Variants in STON2 observed in about 807,000 individuals in gnomAD.
STON2 encodes stonin-2.
A neutral mutation model predicts 65.7 loss-of-function variants in STON2; 29 were observed. That is an observed-to-expected ratio of 0.44 (90% CI 0.33 to 0.60). The LOEUF (loss-of-function observed/expected upper bound fraction) is 0.60. STON2 is among the 20% of genes least tolerant of loss of function. The pLI, the probability that STON2 is intolerant of heterozygous loss-of-function variation, is 0.03. For synonymous variants in STON2, 404 were observed against 414.2 expected, an observed-to-expected ratio of 0.98 and a Z score of 0.30; for missense variants, 1,054 against 1,118.1, an observed-to-expected ratio of 0.94 and a Z score of 0.82.
chr14:81,284,671 C>G (rs1895264058), intron 5 of STON2, among the ~76,000 whole-genome samples: 1 of 152,048 alleles, frequency 6.6e-6, no homozygotes, highest in African/African-American at 2.4e-5. Context: ...CTACACTAAG[C>G]AACAGATTTT....
rs186491174 is a variant in STON2, at chr14:81,282,523, T to G, written c.743-3784A>C. Among the ~76,000 whole-genome samples, 226 of 152,326 alleles carry G rather than the reference T, an allele frequency of 1.5e-3. 1 individual carries two copies. Among genetic ancestry groups the G allele is most frequent in the African/African-American group, 5.3e-3 (221 of 41,570 alleles). ...TTAGTACTACTGCTACTACTACTAC[T>G]ACTACTAGAATGATAATGTGTCATT... On this transcript the variant is annotated intron_variant, in intron 5 of 7. Transcript: ENST00000614646.
At chr14:81,352,937 T>C (rs1898080506) in intron 4 of STON2, among the ~76,000 whole-genome samples, 1 of 152,178 alleles carries the variant, frequency 6.6e-6, no homozygotes, top group South Asian at 2.1e-4. Flanking sequence ...CACAAGAATA[T>C]ATTTCAATAT....
chr14:81,321,566 G>A (rs1402697977), intron 5 of STON2, among the ~76,000 whole-genome samples: 3 of 152,078 alleles, frequency 2.0e-5, no homozygotes, highest in African/African-American at 7.2e-5. Flanking sequence ...TTTTCAATCA[G>A]CTTGGTAGGA....
intron 4 of STON2, among the ~76,000 whole-genome samples, chr14:81,324,802 G>A (rs1328972723): frequency 6.6e-6 from 1 of 152,214 alleles, no homozygotes; most frequent in Non-Finnish European, 1.5e-5. Context: ...GATTAATCCT[G>A]AAATGAAGCC....
intron 2 of STON2, 142 bp downstream of exon 2, chr14:81,398,153 A>C (rs935682672): frequency 1.7e-6 from 1 of 601,458 alleles, no homozygotes; most frequent in Non-Finnish European, 2.8e-6. Flanking sequence ...TTAGGATTCT[A>C]AGATCTCAAG....
At chr14:81,374,385 G>A (rs1037743047) in intron 3 of STON2, among the ~76,000 whole-genome samples, 12 of 151,858 alleles carry the variant, frequency 7.9e-5, no homozygotes, top group Non-Finnish European at 1.6e-4. Flanking sequence ...CTAAGTTGAT[G>A]TGCACATGGC....
At chr14:81,329,625 T>G (rs533866911) in intron 4 of STON2, among the ~76,000 whole-genome samples, 6 of 152,036 alleles carry the variant, frequency 3.9e-5, no homozygotes, top group Non-Finnish European at 7.4e-5. Flanking sequence ...TCCAAGACTG[T>G]GAGAGAATAC....
intron 4 of STON2, among the ~76,000 whole-genome samples, chr14:81,365,372 G>A (rs764835020): frequency 5.3e-5 from 8 of 152,148 alleles, no homozygotes; most frequent in Non-Finnish European, 1.0e-4. Context: ...TTAAATACCT[G>A]CTATGTGCTT....
intron 3 of STON2, among the ~76,000 whole-genome samples, chr14:81,372,412 G>A (rs376412477): frequency 3.9e-5 from 6 of 152,042 alleles, no homozygotes; most frequent in African/African-American, 1.2e-4. Flanking sequence ...AAAATTAGCT[G>A]GGCATGGTGG....
intron 3 of STON2, among the ~76,000 whole-genome samples, chr14:81,378,966 T>G (rs955413967): frequency 3.5e-5 from 5 of 144,210 alleles, no homozygotes; most frequent in African/African-American, 1.5e-4. Flanking sequence ...TAATTAACCC[T>G]TGGAGATTCT....
intron 4 of STON2, among the ~76,000 whole-genome samples, chr14:81,363,221 A>G (rs1490339505): frequency 1.3e-5 from 2 of 152,214 alleles, no homozygotes; most frequent in Non-Finnish European, 2.9e-5. Context: ...TGTACTTTTA[A>G]ATTGTGAAGA....
At chr14:81,302,660 A>G (rs1427398052) in intron 5 of STON2, among the ~76,000 whole-genome samples, 1 of 152,254 alleles carries the variant, frequency 6.6e-6, no homozygotes, top group African/African-American at 2.4e-5. Flanking sequence ...TGTTTACATC[A>G]TTTAATCATC....
Position 81,266,979 on chromosome 14 carries a change from T to C in STON2, c.*1435A>G, listed in dbSNP as rs1220421111. 140 of 985,228 alleles carry C rather than the reference T, an allele frequency of 1.4e-4. No homozygotes were observed. The highest frequency in any genetic ancestry group is 1.7e-4 in the Non-Finnish European group (137 of 829,824). 61.0% of individuals were successfully genotyped at this position (985,228 alleles called of 1,614,324 possible). ...TTTCAAAATACTGTAACTATTTCTATATCCCAGTGTCAATACACATTTAGA... is the reference window on the plus strand; with the variant it reads ...TTTCAAAATACTGTAACTATTTCTACATCCCAGTGTCAATACACATTTAGA... On this transcript the variant is annotated 3_prime_UTR_variant, in exon 8 of 8. Coordinates refer to ENST00000614646, the MANE Select transcript of STON2 (RefSeq NM_001394390.1).
In STON2 at chr14:81,268,251, A is replaced by T. The variant is rs1894433592; in HGVS notation, c.*163T>A. Reference sequence around the variant, plus strand: ...CATTCTCAGGGTTTCCTGGTAAAATACAAGTAACTGCAAACAGGAAGATCT... The same window carrying T: ...CATTCTCAGGGTTTCCTGGTAAAATTCAAGTAACTGCAAACAGGAAGATCT... On this transcript the variant is annotated 3_prime_UTR_variant, in exon 8 of 8. Coordinates refer to ENST00000614646, the MANE Select transcript of STON2 (RefSeq NM_001394390.1). The T allele has an allele frequency of 8.7e-7, 1 of 1,149,810 alleles. No individual in the cohort carries two copies. The highest frequency in any genetic ancestry group is 1.6e-5 in the African/African-American group (1 of 61,092). The allele number at this position is 1,149,810 out of a possible 1,614,324, so 71.2% of individuals were successfully genotyped here.
chr14:81,278,935 G>A (rs544654333), intron 5 of STON2, 196 bp from the exon 6 acceptor site: 97 of 424,678 alleles, frequency 2.3e-4, no homozygotes, highest in East Asian at 1.6e-3. Context: ...AGGAGCTATC[G>A]CATTAAGTGC....
At chr14:81,348,671 A>AC (rs965192592) in intron 4 of STON2, among the ~76,000 whole-genome samples, 1 of 152,086 alleles carries the variant, frequency 6.6e-6, no homozygotes, top group Non-Finnish European at 1.5e-5. Context: ...TGACCACACT[A>AC]CCCAAAGCAA....
chr14:81,304,290 T>C (rs1320439998), intron 5 of STON2, among the ~76,000 whole-genome samples: 1 of 152,204 alleles, frequency 6.6e-6, no homozygotes, highest in East Asian at 1.9e-4. Flanking sequence ...CTGACACTGT[T>C]TCAAGCACTT....
intron 2 of STON2, 119 bp from the exon 3 acceptor site, chr14:81,396,297 T>C: frequency 1.1e-6 from 1 of 898,628 alleles, no homozygotes; most frequent in Admixed American, 2.6e-5. Context: ...CTGCAGTGAG[T>C]GGGGAGAAGA....
chr14:81,373,438 T>C (rs1009831678), intron 3 of STON2, among the ~76,000 whole-genome samples: 1 of 152,218 alleles, frequency 6.6e-6, no homozygotes, highest in African/African-American at 2.4e-5. Context: ...CCATTTCCTA[T>C]AGTATGGTGG....
Sources: gnomAD v4.1 joint callset for allele counts (sites outside exome capture counted in the v4.1 genomes callset) on GRCh38, gnomAD v4.1.1 for gene constraint, MANE v1.5 for transcripts, NCBI Gene and HGNC (gene_info 2026-07-23, HGNC 2026-07-21) for gene names.